Variants in LTN1 observed in about 807,000 individuals in gnomAD.
The protein encoded by LTN1 is E3 ubiquitin-protein ligase listerin.
LTN1 carries 88 observed loss-of-function variants against 201.2 expected under a neutral mutation model. The ratio of observed to expected loss-of-function variants is 0.44; its 90% confidence interval spans 0.37 to 0.52. The LOEUF (loss-of-function observed/expected upper bound fraction) is 0.52. LTN1 is among the 20% of genes least tolerant of loss of function. The pLI is 0.00. For missense variants in LTN1, 1,752 were observed against 2,038.7 expected (o/e 0.86, Z 2.71); for synonymous variants, 645 against 713.5 (o/e 0.90, Z 1.53).
At chr21:28,966,329 C>T in intron 10 of LTN1, 41 bp downstream of exon 10, 2 of 1,470,404 alleles carry the variant, frequency 1.4e-6, no homozygotes, top group Non-Finnish European at 9.2e-7. Flanking sequence ...TTCTACTCAT[C>T]TATTATTCAA....
chr21:28,992,397 G>A (rs1568862773), intron 1 of LTN1, among the ~76,000 whole-genome samples: 3 of 152,252 alleles, frequency 2.0e-5, no homozygotes, highest in Middle Eastern at 3.4e-3. Flanking sequence ...CCTCCACAGT[G>A]GATTCACTTT....
Position 28,986,805 on chromosome 21 carries a change from C to T in LTN1, c.172G>A (p.Asp58Asn). The change falls in exon 2 of 30, where the codon GAC (aspartate) becomes AAC (asparagine). Residue 58 changes from aspartate (D) to asparagine (N), a missense_variant. Asp to Asn is a conservative substitution (Grantham distance 23, BLOSUM62 1). Transcript: ENST00000361371. This position sits in a 1 kb window ranked among gnomAD's most constrained non-coding sequence, Gnocchi z 4.1. ...VPAIQGAEEI[D>N]SLVDSDFRMV... ...CGGAAATCAGAATCTACAAGACTGT[C>T]AATTTCTTCAGCTCCTTGAATAGCA... 1 of 1,614,050 alleles carries T rather than the reference C, an allele frequency of 6.2e-7. No individual in the cohort carries two copies. The highest frequency in any genetic ancestry group is 8.5e-7 in the Non-Finnish European group (1 of 1,179,898).
chr21:28,955,640 T>C (rs939038537), intron 16 of LTN1, among the ~76,000 whole-genome samples: 13 of 151,278 alleles, frequency 8.6e-5, no homozygotes, highest in African/African-American at 3.2e-4. Context: ...AAAAAAAGAA[T>C]GAGGCCAGGC....
intron 15 of LTN1, 68 bp from the exon 16 acceptor site, chr21:28,957,016 AGTT>A (rs1424077931): frequency 1.0e-6 from 1 of 987,550 alleles, no homozygotes; most frequent in African/African-American, 1.6e-5. Context: ...ACAAAAATGA[AGTT>A]GTGAGAATAT....
At chr21:28,988,151 A>C (rs2084713970) in intron 1 of LTN1, among the ~76,000 whole-genome samples, 1 of 143,534 alleles carries the variant, frequency 7.0e-6, no homozygotes, top group Non-Finnish European at 1.5e-5. Flanking sequence ...CAAAAAAAAA[A>C]AAAAACAACA....
In LTN1 at chr21:28,956,793, T is replaced by C; in HGVS notation, c.3048A>G (p.Thr1016=). The C allele has an allele frequency of 6.9e-6, 11 of 1,605,370 alleles. No homozygotes were observed. Among genetic ancestry groups the C allele is most frequent in the African/African-American group, 1.3e-5 (1 of 74,786 alleles). ...TCTCAAGCTCATTATTTTCTAAGAC[T>C]GTTTCCTTTCTCAGTGCAATTAAGA... ...KMVLIALRKE[T]VLENNELEKI... The change falls in exon 16 of 30, where the codon ACA becomes ACG. Residue 1016 remains threonine, a synonymous_variant. Transcript: ENST00000361371.
At chr21:28,970,250 A>C (rs1258392474) in intron 8 of LTN1, among the ~76,000 whole-genome samples, 1 of 152,208 alleles carries the variant, frequency 6.6e-6, no homozygotes, top group African/African-American at 2.4e-5. Flanking sequence ...AAATGGCTAC[A>C]TGTGTCTGTG....
chr21:28,936,839 T>C (rs1343677877), intron 25 of LTN1, 142 bp from the exon 26 acceptor site: 3 of 653,684 alleles, frequency 4.6e-6, no homozygotes, highest in Non-Finnish European at 8.0e-6. Context: ...ACATTTCTAA[T>C]ATCTTTCTCA....
In LTN1 at chr21:28,952,273, G is replaced by T; in HGVS notation, c.3240-9C>A. On this transcript the variant is annotated splice_polypyrimidine_tract_variant and intron_variant, in intron 17 of 29. Transcript: ENST00000361371. ...TGCCATGTTCTCTGGACCTGAAAAA[G>T]GAAAGAAAAAAATTATATTCCGTTT... The T allele has an allele frequency of 6.6e-7, 1 of 1,506,168 alleles. No individual in the cohort carries two copies. The highest frequency in any genetic ancestry group is 9.1e-7 in the Non-Finnish European group (1 of 1,103,314). The allele number at this position is 1,506,168 out of a possible 1,614,324, so 93.3% of individuals were successfully genotyped here.
Position 28,986,674 on chromosome 21 carries a change from A to T in LTN1, c.246+57T>A, listed in dbSNP as rs1334387320. On this transcript the variant is annotated intron_variant, in intron 2 of 29. Transcript: ENST00000361371. The surrounding 1 kb of genome is among the most constrained non-coding windows in gnomAD (Gnocchi z 4.1). ...TCTTTACATAAAACATGCTAATGAC[A>T]TTTTATTTTAACAAAGGGATTTTCT... The T allele has an allele frequency of 1.3e-5, 17 of 1,332,742 alleles. No individual in the cohort carries two copies. In the East Asian group the frequency reaches 3.2e-4, roughly 25 times the overall value. 82.6% of individuals were successfully genotyped at this position (1,332,742 alleles called of 1,614,324 possible). A position where few individuals can be genotyped will look rare whatever the true frequency, so the allele number is the denominator to read the frequency against.
Position 28,966,916 on chromosome 21 carries a change from C to T in LTN1, c.1575G>A (p.Pro525=), listed in dbSNP as rs149894563. ...VSNLLQVLQK[P]KSSLKSSKKK... ...TTTTACTTGACTTCAATGAGCTCTT[C>T]GGCTTCTGAAGCACCTGTAATAGGT... The change falls in exon 10 of 30, where the codon CCG becomes CCA. Residue 525 remains proline, a synonymous_variant. Coordinates refer to ENST00000361371, the MANE Select transcript of LTN1 (RefSeq NM_015565.3). The T allele has an allele frequency of 1.0e-4, 166 of 1,612,876 alleles. No individual in the cohort carries two copies. The highest frequency in any genetic ancestry group is 1.1e-4 in the Non-Finnish European group (131 of 1,179,780).
At chr21:28,973,266 G>A (rs533282427) in intron 6 of LTN1, among the ~76,000 whole-genome samples, 2 of 144,746 alleles carry the variant, frequency 1.4e-5, no homozygotes, top group East Asian at 2.2e-4. Flanking sequence ...AAAATCACTT[G>A]AATCCGGAAG....
In LTN1 at chr21:28,960,576, G is replaced by T. The variant is rs368421215; in HGVS notation, c.2294C>A (p.Ser765Tyr). The T allele has an allele frequency of 4.3e-5, 70 of 1,613,770 alleles. No individual in the cohort carries two copies. Among genetic ancestry groups the T allele is most frequent in the Non-Finnish European group, 5.8e-5 (68 of 1,179,854 alleles). ...EDLESRVSSE[S>Y]HFSERWTLLS... ...AAGAGTCCATCTTTCTGAGAAGTGAGATTCTGAAGATACCCTGGATTCCAA... is the reference window on the plus strand; with the variant it reads ...AAGAGTCCATCTTTCTGAGAAGTGATATTCTGAAGATACCCTGGATTCCAA... Residue 765 changes from serine (S) to tyrosine (Y), a missense_variant, in exon 12 of 30, where the codon TCT (serine) becomes TAT (tyrosine). Transcript: ENST00000361371.
intron 16 of LTN1, among the ~76,000 whole-genome samples, 169 bp from the exon 17 acceptor site, chr21:28,953,545 G>A (rs576198105): frequency 6.6e-6 from 1 of 152,290 alleles, no homozygotes; most frequent in African/African-American, 2.4e-5. Flanking sequence ...AATGAAAACT[G>A]AGAATATATG....
chr21:28,956,027 C>CA (rs1252181165), intron 16 of LTN1, among the ~76,000 whole-genome samples: 1 of 150,052 alleles, frequency 6.7e-6, no homozygotes, highest in Non-Finnish European at 1.5e-5. Flanking sequence ...CACGGAAAGA[C>CA]AAACATCACA....
intron 1 of LTN1, among the ~76,000 whole-genome samples, chr21:28,990,144 T>A (rs918089404): frequency 1.3e-5 from 2 of 152,148 alleles, no homozygotes; most frequent in Non-Finnish European, 2.9e-5. Flanking sequence ...TCTCTTCCAT[T>A]CTCCCACATT....
At chr21:28,962,420 T>C (rs2084486451) in intron 11 of LTN1, among the ~76,000 whole-genome samples, 1 of 152,252 alleles carries the variant, frequency 6.6e-6, no homozygotes, top group Non-Finnish European at 1.5e-5. Flanking sequence ...TTTTCATTAT[T>C]ATGTCTGTTA....
rs2146305638 is a variant in LTN1 at position 28,973,009 on chromosome 21, A to G, written c.811-1565T>C. 2.6e-5 allele frequency among the ~76,000 whole-genome samples: 4 copies of G among 152,336 alleles called. No individual in the cohort carries two copies. The South Asian group carries it at 8.3e-4, about 32-fold the overall frequency. On this transcript the variant is annotated intron_variant, in intron 6 of 29. Transcript: ENST00000361371. ...GGAATAGTATCTTCAACACAAAAATAACTACCAACATACAATCCTGTACTC... is the reference window on the plus strand; with the variant it reads ...GGAATAGTATCTTCAACACAAAAATGACTACCAACATACAATCCTGTACTC...
intron 18 of LTN1, among the ~76,000 whole-genome samples, chr21:28,949,823 T>C (rs115166571): frequency 0.01 from 1,562 of 152,068 alleles, 20 homozygotes; most frequent in East Asian, 0.061. Context: ...AAGGAGAAGG[T>C]CTCAGTATTT....
Sources: gnomAD v4.1 joint callset for allele counts (sites outside exome capture counted in the v4.1 genomes callset) on GRCh38, gnomAD v4.1.1 for gene constraint, Gnocchi (gnomAD v3.1) non-coding constraint, MANE v1.5 for transcripts, NCBI Gene and HGNC (gene_info 2026-07-23, HGNC 2026-07-21) for gene names.